The following IL1RAPL1 variants were observed in gnomAD, a reference collection of about 807,000 sequenced individuals.
The protein encoded by IL1RAPL1 is interleukin 1 receptor accessory protein like 1.
A neutral mutation model predicts 48.4 loss-of-function variants in IL1RAPL1; 3 were observed. The ratio of observed to expected loss-of-function variants is 0.06; its 90% CI spans 0.03 to 0.16. The LOEUF (loss-of-function observed/expected upper bound fraction) is 0.16. IL1RAPL1 is among the 10% of genes least tolerant of loss of function. The pLI, the probability that IL1RAPL1 is intolerant of heterozygous loss-of-function variation, is 1.00. For synonymous variants in IL1RAPL1, 185 were observed against 187.7 expected (o/e 0.99, Z 0.12); for missense variants, 349 against 530.6 (o/e 0.66, Z 3.36).
chrX:28,874,221 C>T (rs1167178744), intron 2 of IL1RAPL1, among the ~76,000 whole-genome samples: 1 of 111,615 alleles, frequency 9.0e-6, no homozygotes, highest in Non-Finnish European at 1.9e-5. Flanking sequence ...GTTTTTGTTC[C>T]ACTTCCAATG....
intron 1 of IL1RAPL1, among the ~76,000 whole-genome samples, chrX:28,678,162 G>A (rs747225518): frequency 8.9e-6 from 1 of 111,763 alleles, no homozygotes; most frequent in Non-Finnish European, 1.9e-5. Flanking sequence ...AGGAGTTTGA[G>A]AGGGAAAAGG....
intron 1 of IL1RAPL1, among the ~76,000 whole-genome samples, chrX:28,770,622 T>C (rs1423713464): frequency 8.9e-6 from 1 of 112,586 alleles, no homozygotes; most frequent in African/African-American, 3.2e-5. Flanking sequence ...CCTTGCATAA[T>C]GATTTAGACA....
At chrX:29,600,675 A>G (rs1376214311) in intron 5 of IL1RAPL1, among the ~76,000 whole-genome samples, 2 of 111,174 alleles carry the variant, frequency 1.8e-5, no homozygotes, top group Non-Finnish European at 3.8e-5. Flanking sequence ...CAGTAGAGAA[A>G]GACCACCAGG....
chrX:29,226,756 G>GAA (rs137860355), intron 2 of IL1RAPL1, among the ~76,000 whole-genome samples: 14 of 106,283 alleles, frequency 1.3e-4, no homozygotes, highest in Non-Finnish European at 1.9e-5. Context: ...TTTAACAGAT[G>GAA]AAAAAAAAAC....
chrX:29,451,255 T>C (rs932707895), intron 5 of IL1RAPL1, among the ~76,000 whole-genome samples: 6 of 109,111 alleles, frequency 5.5e-5, no homozygotes, highest in African/African-American at 2.0e-4. Context: ...AGTGCAGTGG[T>C]GCGATCTTGG....
chrX:28,694,269 C>A (rs186940375), intron 1 of IL1RAPL1, among the ~76,000 whole-genome samples: 47 of 112,157 alleles, frequency 4.2e-4, no homozygotes, highest in Admixed American at 1.2e-3. Flanking sequence ...CTTACCTTGT[C>A]CTTTCTTCCT....
chrX:29,482,030 C>A (rs1407802775), intron 5 of IL1RAPL1, among the ~76,000 whole-genome samples: 1 of 111,511 alleles, frequency 9.0e-6, no homozygotes, highest in Non-Finnish European at 1.9e-5. Flanking sequence ...TCATATTATA[C>A]TTTTAAAGCA....
chrX:29,587,601 T>C (rs1923223608), intron 5 of IL1RAPL1, among the ~76,000 whole-genome samples: 1 of 112,099 alleles, frequency 8.9e-6, no homozygotes, highest in African/African-American at 3.2e-5. Flanking sequence ...ACAATGTATA[T>C]GTACTTCAAA....
chrX:28,858,889 T>C (rs1440008488), intron 2 of IL1RAPL1, among the ~76,000 whole-genome samples: 2 of 112,711 alleles, frequency 1.8e-5, no homozygotes, highest in Non-Finnish European at 3.7e-5. Context: ...ATTTGTTTGT[T>C]GTCTGCTCCC....
chrX:28,743,735 C>CTTATGTAT (rs1555918692), intron 1 of IL1RAPL1, among the ~76,000 whole-genome samples: 2 of 107,096 alleles, frequency 1.9e-5, no homozygotes, highest in Non-Finnish European at 3.9e-5. Flanking sequence ...CATTCGTTTG[C>CTTATGTAT]TTATTTATTT....
intron 2 of IL1RAPL1, among the ~76,000 whole-genome samples, chrX:29,163,313 T>G (rs1361120861): frequency 9.0e-6 from 1 of 111,543 alleles, no homozygotes; most frequent in Non-Finnish European, 1.9e-5. Context: ...GCTAGAAATC[T>G]GAGCTGCGGC....
intron 2 of IL1RAPL1, among the ~76,000 whole-genome samples, chrX:29,166,710 T>C (rs1929792730): frequency 9.0e-6 from 1 of 111,708 alleles, no homozygotes; most frequent in Non-Finnish European, 1.9e-5. Flanking sequence ...GACCAACATA[T>C]TTTGCTTACT....
intron 1 of IL1RAPL1, among the ~76,000 whole-genome samples, chrX:28,765,576 G>T (rs945878802): frequency 4.5e-5 from 5 of 111,047 alleles, no homozygotes; most frequent in Non-Finnish European, 9.4e-5. Flanking sequence ...ATAGCTAATG[G>T]TGACAATACT....
intron 2 of IL1RAPL1, among the ~76,000 whole-genome samples, chrX:28,972,456 G>T (rs1925101273): frequency 9.0e-6 from 1 of 111,494 alleles, no homozygotes; most frequent in South Asian, 3.7e-4. Context: ...CATGTGCTGT[G>T]GGTCGGGCGC....
At chrX:29,871,256 T>G (rs1303458764) in intron 6 of IL1RAPL1, among the ~76,000 whole-genome samples, 5 of 112,230 alleles carry the variant, frequency 4.5e-5, no homozygotes, top group Admixed American at 1.9e-4. Flanking sequence ...TCTCAAAGTC[T>G]ATAATGTTAA....
chrX:29,786,972 G>T (rs1350048170), intron 6 of IL1RAPL1, among the ~76,000 whole-genome samples: 1 of 111,686 alleles, frequency 9.0e-6, no homozygotes, highest in East Asian at 2.8e-4. Flanking sequence ...TGCAGAAAGT[G>T]TATAAGGAGA....
chrX:29,127,908 G>A (rs932840981), intron 2 of IL1RAPL1, among the ~76,000 whole-genome samples: 19 of 108,597 alleles, frequency 1.7e-4, no homozygotes, highest in African/African-American at 6.4e-4. Flanking sequence ...AGGTTGCAGT[G>A]AGCTGAGATT....
At chrX:28,857,881 T>C (rs913957562) in intron 2 of IL1RAPL1, among the ~76,000 whole-genome samples, 1 of 111,972 alleles carries the variant, frequency 8.9e-6, no homozygotes, top group Non-Finnish European at 1.9e-5. Flanking sequence ...ATAGATCTGC[T>C]ATAGCTGTGA....
chrX:28,872,562 G>A (rs771093432), intron 2 of IL1RAPL1, among the ~76,000 whole-genome samples: 20 of 112,187 alleles, frequency 1.8e-4, no homozygotes, highest in Non-Finnish European at 3.0e-4. Context: ...TCCATAAGGA[G>A]CAGTAAAAGC....
Sources: gnomAD v4.1 joint callset for allele counts (sites outside exome capture counted in the v4.1 genomes callset) on GRCh38, gnomAD v4.1.1 for gene constraint, MANE v1.5 for transcripts, NCBI Gene and HGNC (gene_info 2026-07-23, HGNC 2026-07-21) for gene names.